ACOX1: variants seen among roughly 807,000 people sequenced by gnomAD.
ACOX1 encodes peroxisomal acyl-coenzyme A oxidase 1.
A neutral mutation model predicts 75.5 loss-of-function variants in ACOX1; 41 were observed. The observed-to-expected ratio is 0.54, with a 90% confidence interval of 0.42 to 0.70. The LOEUF (loss-of-function observed/expected upper bound fraction) is 0.70, where lower values mean the gene tolerates loss of function less well. Ranked by LOEUF, ACOX1 falls within the 30% of genes least tolerant of loss-of-function variation. The pLI is 0.00. For synonymous variants in ACOX1, 303 were observed against 298.8 expected, an observed-to-expected ratio of 1.01 and a Z score of -0.15; for missense variants, 630 against 837.5, an observed-to-expected ratio of 0.75 and a Z score of 3.06.
chr17:75,950,910 C>T lies in ACOX1; in HGVS notation c.1162G>A (p.Gly388Ser). 6.2e-7 allele frequency: 1 copy of T among 1,614,080 alleles called. No homozygotes were observed. Among genetic ancestry groups the T allele is most frequent in the Non-Finnish European group, 8.5e-7 (1 of 1,180,012 alleles). ...KAFTSWTANTGIEACRMACGG... is the reference protein window; with the variant it reads ...KAFTSWTANTSIEACRMACGG... ...CAAGCCATCCGACATGCTTCAATGC[C>T]AGTGTTTGCAGTCCAGGAGGTGAAA... The change falls in exon 9 of 14, where the codon GGC becomes AGC. Residue 388 changes from glycine (G) to serine (S), a missense_variant. Coordinates refer to ENST00000293217, the MANE Select transcript of ACOX1 (RefSeq NM_004035.7). This position sits in a 1 kb window ranked among gnomAD's most constrained non-coding sequence, Gnocchi z 4.3.
chr17:75,948,980 C>T (rs779506025), intron 12 of ACOX1, among the ~76,000 whole-genome samples: 1 of 151,858 alleles, frequency 6.6e-6, no homozygotes, highest in Non-Finnish European at 1.5e-5. Flanking sequence ...GTGCCTCAGC[C>T]TCCCTAGTAG....
rs1229691318 is a variant in ACOX1 at position 75,973,409 on chromosome 17, G to T, written c.269+5125C>A. ...CTTTTCAAGCTGTTCAATAATAAAAGGCTTTAGGAAATAACAGTGAATGAC... is the reference window on the plus strand; with the variant it reads ...CTTTTCAAGCTGTTCAATAATAAAATGCTTTAGGAAATAACAGTGAATGAC... On this transcript the variant is annotated intron_variant, in intron 2 of 13. Transcript: ENST00000293217. 3 of 595,560 alleles carry T rather than the reference G, an allele frequency of 5.0e-6. No individual in the cohort carries two copies. The Admixed American group carries it at 8.7e-5, about 17-fold the overall frequency. The allele number at this position is 595,560 out of a possible 1,614,324, so 36.9% of individuals were successfully genotyped here.
At chr17:75,974,873 C>G (rs1311096335) in intron 2 of ACOX1, among the ~76,000 whole-genome samples, 1 of 151,328 alleles carries the variant, frequency 6.6e-6, no homozygotes, top group Non-Finnish European at 1.5e-5. Context: ...GGTGAAACCC[C>G]GTCTCTACGA....
rs71382188 is a variant in ACOX1 at position 75,946,115 on chromosome 17, C to G, written c.*633G>C. ...CTAATTACACGAGACAATGGTCCTA[C>G]AGTAGGCCCGTGCGGAATAAGTTCC... On this transcript the variant is annotated 3_prime_UTR_variant, in exon 14 of 14. Transcript: ENST00000293217. The G allele has an allele frequency of 0.052, 8,285 of 158,136 alleles. 318 individuals are homozygous for G. Among genetic ancestry groups the G allele is most frequent in the Non-Finnish European group, 0.073 (5,241 of 71,542 alleles). The allele number at this position is 158,136 out of a possible 1,614,324, so 9.8% of individuals were successfully genotyped here.
chr17:75,954,520 C>CA (rs1166502215), intron 6 of ACOX1, among the ~76,000 whole-genome samples: 208 of 57,382 alleles, frequency 3.6e-3, no homozygotes, highest in East Asian at 8.8e-3. Context: ...CTCTCTCTCT[C>CA]AAAAAAAAAA....
In ACOX1 at chr17:75,949,766, A is replaced by G. The variant is rs1366851022; in HGVS notation, c.1430T>C (p.Ile477Thr). The part of the protein sequence containing the change: ...QVAVWPTMVD[I>T]NSPESLTEAY... ...TTCGGTTAGGCTTTCGGGGCTGTTGATATCCACCATGGTTGGCCAGACTGC... is the reference window on the plus strand; with the variant it reads ...TTCGGTTAGGCTTTCGGGGCTGTTGGTATCCACCATGGTTGGCCAGACTGC... The change falls in exon 10 of 14, where the codon ATC becomes ACC. Residue 477 changes from isoleucine to threonine, a missense_variant. Transcript: ENST00000293217. The G allele has an allele frequency of 1.2e-6, 2 of 1,613,964 alleles. No homozygotes were observed. The highest frequency in any genetic ancestry group is 4.5e-5 in the East Asian group (2 of 44,894).
rs747122185 is a variant in ACOX1, at chr17:75,949,211, A to C, written c.1728+6T>G. ...CAAAAAAGACTTATACTTAGAAAAT[A>C]CTGACCTGAAGGAAATCCCCCGCGT... On this transcript the variant is annotated splice_donor_region_variant and intron_variant, in intron 12 of 13. Coordinates refer to ENST00000293217, the MANE Select transcript of ACOX1 (RefSeq NM_004035.7). 6.2e-7 allele frequency: 1 copy of C among 1,614,140 alleles called. No individual in the cohort carries two copies. Among genetic ancestry groups the C allele is most frequent in the Non-Finnish European group, 8.5e-7 (1 of 1,180,022 alleles).
intron 2 of ACOX1, among the ~76,000 whole-genome samples, chr17:75,968,000 A>G (rs551664131): frequency 2.6e-5 from 4 of 150,962 alleles, no homozygotes; most frequent in African/African-American, 9.7e-5. Flanking sequence ...CGGCCTCCCA[A>G]AGTGCTGGGA....
At chr17:75,958,612 T>C (rs142505024) in intron 3 of ACOX1, among the ~76,000 whole-genome samples, 1,529 of 151,456 alleles carry the variant, frequency 0.01, 43 homozygotes, top group African/African-American at 0.035. Context: ...ATCGAGACCA[T>C]CCTGGTTAAC....
intron 2 of ACOX1, chr17:75,973,788 A>G (rs1220450390): frequency 3.1e-6 from 5 of 1,614,160 alleles, no homozygotes; most frequent in Non-Finnish European, 4.2e-6. Flanking sequence ...AATGTAGTCT[A>G]CAGGAGAGAA....
intron 2 of ACOX1, among the ~76,000 whole-genome samples, chr17:75,968,435 C>CAA (rs55909021): frequency 0.023 from 481 of 21,002 alleles, 74 homozygotes; most frequent in African/African-American, 0.15. Flanking sequence ...GACTCCGTCT[C>CAA]AAAAAAAAAA....
At chr17:75,947,711 CTT>C (rs34884157) in intron 13 of ACOX1, among the ~76,000 whole-genome samples, 26 of 134,788 alleles carry the variant, frequency 1.9e-4, no homozygotes, top group African/African-American at 3.8e-4. Context: ...TGTGTGTATA[CTT>C]TTTTTTTTTT....
chr17:75,956,947 CTCTCTCTCTCTCTCTCTCTCTCTCTATA>C (rs1379670294), intron 4 of ACOX1, among the ~76,000 whole-genome samples: 88 of 33,844 alleles, frequency 2.6e-3, no homozygotes, highest in African/African-American at 0.012. Context: ...CTCTCTCTCT[CTCTCTCTCTCTCTCTCTCTCTCTCTATA>C]TATATATATA....
chr17:75,942,918 G>A lies in ACOX1; in HGVS notation c.*3830C>T, dbSNP rs796084410. 6 of 152,300 alleles carry A rather than the reference G, an allele frequency of 3.9e-5. No homozygotes were observed. Among genetic ancestry groups the A allele is most frequent in the African/African-American group, 1.4e-4 (6 of 41,558 alleles). 9.4% of individuals were successfully genotyped at this position (152,300 alleles called of 1,614,324 possible). A position where few individuals can be genotyped will look rare whatever the true frequency, so the allele number is the denominator to read the frequency against. ...TTATTTCTCCACCCAAAGCCCTGCAGTGAAGAAAATCCAAGAATTAAGATG... is the reference window on the plus strand; with the variant it reads ...TTATTTCTCCACCCAAAGCCCTGCAATGAAGAAAATCCAAGAATTAAGATG... On this transcript the variant is annotated 3_prime_UTR_variant, in exon 14 of 14. Transcript: ENST00000293217.
intron 2 of ACOX1, among the ~76,000 whole-genome samples, chr17:75,964,276 C>T (rs1297290700): frequency 1.3e-5 from 2 of 152,008 alleles, no homozygotes; most frequent in Admixed American, 6.6e-5. Context: ...GTCAACTGTC[C>T]CCAGCCTTTT....
intron 2 of ACOX1, among the ~76,000 whole-genome samples, chr17:75,963,981 C>T (rs1010332946): frequency 1.3e-5 from 2 of 151,252 alleles, no homozygotes; most frequent in Admixed American, 6.6e-5. Flanking sequence ...GTCAGGAGTT[C>T]GAGACCAGCC....
chr17:75,972,550 G>A (rs1433706231), intron 2 of ACOX1, among the ~76,000 whole-genome samples: 1 of 150,798 alleles, frequency 6.6e-6, no homozygotes, highest in East Asian at 2.0e-4. Flanking sequence ...GGAGGCTCGG[G>A]CAGGAGAGTC....
intron 4 of ACOX1, among the ~76,000 whole-genome samples, chr17:75,957,156 GCTCATTGCAAC>G (rs548354390): frequency 6.6e-6 from 1 of 151,624 alleles, no homozygotes; most frequent in East Asian, 1.9e-4. Flanking sequence ...TGCAATCTTG[GCTCATTGCAAC>G]CTTCCCGGGT....
intron 4 of ACOX1, among the ~76,000 whole-genome samples, chr17:75,956,910 CCTCTCTCTCTCTCTCTCTCTCTCTCTCT>C (rs1170303997): frequency 3.8e-3 from 96 of 24,978 alleles, no homozygotes; most frequent in Middle Eastern, 0.017. Context: ...GCCTGGCTTT[CCTCTCTCTCTCTCTCTCTCTCTCTCTCT>C]CTCTCTCTCT....
Sources: allele counts gnomAD v4.1 joint callset (sites outside exome capture counted in the v4.1 genomes callset), GRCh38; gene constraint gnomAD v4.1.1; non-coding constraint Gnocchi (gnomAD v3.1); transcripts MANE v1.5; gene names NCBI Gene and HGNC (gene_info 2026-07-23, HGNC 2026-07-21).